TWSG1: variants seen among roughly 807,000 people sequenced by gnomAD.
TWSG1 encodes the protein twisted gastrulation protein homolog 1.
Under a neutral mutation model 23.0 loss-of-function variants are expected in TWSG1, and 15 were observed. The ratio of observed to expected loss-of-function variants is 0.65; its 90% CI spans 0.44 to 1.00. The LOEUF is 1.00. Among genes scored for constraint, TWSG1 ranks in the 50% least tolerant of loss-of-function variants. The pLI is 0.00. For synonymous variants in TWSG1, 86 were observed against 92.8 expected, an observed-to-expected ratio of 0.93 and a Z score of 0.42; for missense variants, 242 against 278.7, an observed-to-expected ratio of 0.87 and a Z score of 0.94.
chr18:9,367,596 G>A (rs1227113735), intron 3 of TWSG1, among the ~76,000 whole-genome samples: 2 of 152,208 alleles, frequency 1.3e-5, no homozygotes, highest in Non-Finnish European at 2.9e-5. Flanking sequence ...CACCAGGCAA[G>A]CGAGCGTCAC....
At chr18:9,396,055 G>C (rs536741070) in intron 3 of TWSG1, among the ~76,000 whole-genome samples, 9 of 147,240 alleles carry the variant, frequency 6.1e-5, no homozygotes, top group Non-Finnish European at 1.0e-4. Flanking sequence ...AGGAGCTCTG[G>C]TTCCTATTAT....
intron 1 of TWSG1, among the ~76,000 whole-genome samples, chr18:9,335,455 A>C (rs1304913257): frequency 6.6e-6 from 1 of 152,248 alleles, no homozygotes; most frequent in African/African-American, 2.4e-5. Context: ...TAGTTACTTG[A>C]ATACTTTTTC....
intron 2 of TWSG1, among the ~76,000 whole-genome samples, chr18:9,340,367 C>CAAAAAAAAAAAA (rs775837207): frequency 1.5e-5 from 1 of 67,096 alleles, no homozygotes; most frequent in Non-Finnish European, 2.7e-5. Flanking sequence ...GACTCCATTT[C>CAAAAAAAAAAAA]AAAAAAAAAA....
intron 3 of TWSG1, among the ~76,000 whole-genome samples, chr18:9,371,207 C>G (rs2040603451): frequency 6.6e-6 from 1 of 151,658 alleles, no homozygotes; most frequent in Non-Finnish European, 1.5e-5. Context: ...TTAGAAGTTA[C>G]TTTTTGTTTT....
intron 3 of TWSG1, among the ~76,000 whole-genome samples, chr18:9,368,919 G>T (rs1367005231): frequency 2.0e-5 from 3 of 151,996 alleles, no homozygotes; most frequent in African/African-American, 7.2e-5. Context: ...CTGCACTCCA[G>T]CCTGGGCAAC....
intron 4 of TWSG1, 22 bp downstream of exon 4, chr18:9,396,568 T>C (rs1234842374): frequency 6.2e-7 from 1 of 1,602,658 alleles, no homozygotes; most frequent in South Asian, 1.1e-5. Context: ...CAGTTGACTT[T>C]TTCCATTCCG....
At chr18:9,379,986 T>C (rs1203148130) in intron 3 of TWSG1, among the ~76,000 whole-genome samples, 1 of 152,222 alleles carries the variant, frequency 6.6e-6, no homozygotes, top group Non-Finnish European at 1.5e-5. Context: ...ATTAAAGATA[T>C]CTTGAAGAGA....
chr18:9,338,106 C>A (rs1485876045), intron 2 of TWSG1, among the ~76,000 whole-genome samples: 1 of 152,200 alleles, frequency 6.6e-6, no homozygotes, highest in Admixed American at 6.5e-5. Context: ...AGTAGCCACA[C>A]ACATTAGCAT....
chr18:9,368,350 G>A (rs1468535123), intron 3 of TWSG1, among the ~76,000 whole-genome samples: 1 of 152,134 alleles, frequency 6.6e-6, no homozygotes, highest in African/African-American at 2.4e-5. Flanking sequence ...ACAGGTGCCT[G>A]CCACCATGCC....
chr18:9,352,976 G>A (rs2040508793), intron 2 of TWSG1, among the ~76,000 whole-genome samples: 1 of 152,146 alleles, frequency 6.6e-6, no homozygotes, highest in African/African-American at 2.4e-5. Flanking sequence ...TATGATGGTG[G>A]TCACATAAGA....
At position 9,337,188 on chromosome 18, in the gene TWSG1, T is replaced by C. The variant is rs1598818116; in HGVS notation, c.-37-5T>C. 3 of 1,601,898 alleles carry C rather than the reference T, an allele frequency of 1.9e-6. No individual in the cohort carries two copies. Among genetic ancestry groups the C allele is most frequent in the Non-Finnish European group, 8.5e-7 (1 of 1,177,544 alleles). The stretch of plus-strand genomic sequence containing the variant: ...TTTGAATTAAAGTTGTGTTTGTTTG[T>C]TTAGTTTCCTGGGAGTTACTGATCA... On this transcript the variant is annotated splice_polypyrimidine_tract_variant and splice_region_variant and intron_variant, in intron 1 of 4. Transcript: ENST00000262120.
chr18:9,365,526 G>A (rs1376381772), intron 3 of TWSG1, among the ~76,000 whole-genome samples: 1 of 151,886 alleles, frequency 6.6e-6, no homozygotes, highest in African/African-American at 2.4e-5. Context: ...ATTTAGCTGT[G>A]CATGGGTGGC....
chr18:9,346,383 G>C (rs1219358213), intron 2 of TWSG1, among the ~76,000 whole-genome samples: 2 of 152,088 alleles, frequency 1.3e-5, no homozygotes, highest in African/African-American at 4.8e-5. Context: ...TGTACTTACT[G>C]ATTAATATTG....
At chr18:9,362,566 A>G (rs2040557321) in intron 3 of TWSG1, among the ~76,000 whole-genome samples, 1 of 152,198 alleles carries the variant, frequency 6.6e-6, no homozygotes, top group Non-Finnish European at 1.5e-5. Flanking sequence ...AACTTTTATT[A>G]ATAGCATTGC....
chr18:9,354,823 A>G (rs2040517520), intron 2 of TWSG1, among the ~76,000 whole-genome samples: 1 of 152,194 alleles, frequency 6.6e-6, no homozygotes, highest in Non-Finnish European at 1.5e-5. Flanking sequence ...CTACTCTAGT[A>G]GATATTTTCC....
chr18:9,377,411 G>A (rs2040635796), intron 3 of TWSG1, among the ~76,000 whole-genome samples: 1 of 151,358 alleles, frequency 6.6e-6, no homozygotes, highest in Admixed American at 6.6e-5. Context: ...TAGAGACGGG[G>A]TTTCACCATG....
chr18:9,371,804 C>T (rs900288651), intron 3 of TWSG1, among the ~76,000 whole-genome samples: 2 of 144,580 alleles, frequency 1.4e-5, no homozygotes, highest in African/African-American at 5.1e-5. Flanking sequence ...CAGAGTCTCG[C>T]ACTGTCGCCT....
At chr18:9,372,200 A>T (rs1204718207) in intron 3 of TWSG1, among the ~76,000 whole-genome samples, 2 of 151,596 alleles carry the variant, frequency 1.3e-5, no homozygotes, top group Non-Finnish European at 2.9e-5. Flanking sequence ...TATCGGTGGG[A>T]GATACATTCC....
At chr18:9,386,118 G>C (rs371850040) in intron 3 of TWSG1, among the ~76,000 whole-genome samples, 1 of 149,466 alleles carries the variant, frequency 6.7e-6, no homozygotes, top group Non-Finnish European at 1.5e-5. Context: ...GCAGTGAGCC[G>C]AGATCGTGCC....
Sources: gnomAD v4.1 joint callset for allele counts (sites outside exome capture counted in the v4.1 genomes callset) on GRCh38, gnomAD v4.1.1 for gene constraint, MANE v1.5 for transcripts, NCBI Gene and HGNC (gene_info 2026-07-23, HGNC 2026-07-21) for gene names.